Variants in ESRRG observed in about 807,000 individuals in gnomAD.
ESRRG encodes estrogen related receptor gamma.
ESRRG carries 13 observed loss-of-function variants against 44.0 expected under a neutral mutation model. That is an observed-to-expected ratio of 0.30 (90% confidence interval 0.19 to 0.47). The LOEUF (loss-of-function observed/expected upper bound fraction) is 0.47, where lower values mean the gene tolerates loss of function less well. Among genes scored for constraint, ESRRG ranks in the 20% least tolerant of loss-of-function variants. The pLI, the probability that ESRRG is intolerant of heterozygous loss-of-function variation, is 1.00. For missense variants in ESRRG, 395 were observed against 580.6 expected, an observed-to-expected ratio of 0.68 and a Z score of 3.29; for synonymous variants, 215 against 214.6, an observed-to-expected ratio of 1.00 and a Z score of -0.02.
chr1:217,087,049 G>T (rs907514140), intron 1 of ESRRG, among the ~76,000 whole-genome samples: 1 of 152,104 alleles, frequency 6.6e-6, no homozygotes, highest in African/African-American at 2.4e-5. Context: ...ATGTCATAGG[G>T]CATCAGAAAA....
At chr1:216,786,346 C>T (rs949683388) in intron 2 of ESRRG, among the ~76,000 whole-genome samples, 3 of 151,988 alleles carry the variant, frequency 2.0e-5, no homozygotes, top group East Asian at 1.9e-4. Flanking sequence ...TGATCTCAAA[C>T]GTTGAATTCA....
chr1:217,115,844 A>G (rs2092718844), intron 1 of ESRRG, among the ~76,000 whole-genome samples: 1 of 152,118 alleles, frequency 6.6e-6, no homozygotes, highest in Non-Finnish European at 1.5e-5. Flanking sequence ...CTTCACTAGA[A>G]CATAAGCCAC....
chr1:216,917,392 G>C (rs1191637554), intron 2 of ESRRG, among the ~76,000 whole-genome samples: 1 of 152,008 alleles, frequency 6.6e-6, no homozygotes, highest in Admixed American at 6.6e-5. Flanking sequence ...CCACTGACAC[G>C]CAACAAGTCA....
Position 216,503,510 on chromosome 1 carries a change from A to G in ESRRG, c.*3429T>C, listed in dbSNP as rs756213238. 6.6e-6 allele frequency: 1 copy of G among 152,526 alleles called. No individual in the cohort carries two copies. Among genetic ancestry groups the G allele is most frequent in the East Asian group, 1.9e-4 (1 of 5,172 alleles). 9.4% of individuals were successfully genotyped at this position (152,526 alleles called of 1,614,324 possible). On this transcript the variant is annotated 3_prime_UTR_variant, in exon 7 of 7. Coordinates refer to ENST00000408911, the MANE Select transcript of ESRRG (RefSeq NM_001438.4). ...CAGCTATAGACATGGTTTTATTATT[A>G]TTATTATTATTTTTACTACTGGCTA...
At chr1:216,672,141 T>C (rs1341499933) in intron 2 of ESRRG, among the ~76,000 whole-genome samples, 2 of 152,174 alleles carry the variant, frequency 1.3e-5, no homozygotes, top group East Asian at 1.9e-4. Flanking sequence ...AGAATAACAA[T>C]ATCACATCCC....
At chr1:216,878,414 T>G (rs1227714163) in intron 2 of ESRRG, among the ~76,000 whole-genome samples, 1 of 152,214 alleles carries the variant, frequency 6.6e-6, no homozygotes, top group African/African-American at 2.4e-5. Context: ...ATACTTAAAT[T>G]CTATATAAAT....
intron 3 of ESRRG, among the ~76,000 whole-genome samples, chr1:216,569,988 C>T (rs2060494716): frequency 6.6e-6 from 1 of 152,078 alleles, no homozygotes; most frequent in African/African-American, 2.4e-5. Flanking sequence ...ATCTGAGTTA[C>T]ATGAAACGAT....
At chr1:216,698,955 G>A (rs1043510054) in intron 1 of ESRRG, among the ~76,000 whole-genome samples, 17 of 152,158 alleles carry the variant, frequency 1.1e-4, no homozygotes, top group African/African-American at 4.1e-4. Context: ...GCCAGTTCAG[G>A]TTATAATGCT....
At chr1:216,627,978 A>G (rs962309857) in intron 3 of ESRRG, among the ~76,000 whole-genome samples, 2 of 152,214 alleles carry the variant, frequency 1.3e-5, no homozygotes, top group African/African-American at 4.8e-5. Flanking sequence ...GAAAACATAT[A>G]TTCCTCTATC....
intron 1 of ESRRG, among the ~76,000 whole-genome samples, chr1:217,124,126 T>C (rs1010628364): frequency 1.3e-5 from 2 of 152,192 alleles, no homozygotes; most frequent in Non-Finnish European, 2.9e-5. Flanking sequence ...GAGCCTAAGA[T>C]GTAAGCTCCC....
chr1:216,690,874 C>A (rs1410620801), intron 1 of ESRRG, among the ~76,000 whole-genome samples: 16 of 152,038 alleles, frequency 1.1e-4, no homozygotes, highest in Non-Finnish European at 1.6e-4. Context: ...TAACTAAGGC[C>A]TGCAGTGAAA....
intron 1 of ESRRG, chr1:216,714,432 A>C (rs1334330252): frequency 5.2e-6 from 1 of 192,056 alleles, no homozygotes; most frequent in African/African-American, 2.4e-5. Context: ...CATTCCCCCC[A>C]CACTTCAGGT....
intron 1 of ESRRG, among the ~76,000 whole-genome samples, chr1:217,050,898 C>G (rs894244630): frequency 6.6e-6 from 1 of 151,982 alleles, no homozygotes; most frequent in Non-Finnish European, 1.5e-5. Context: ...AAAAATAGTG[C>G]TGTTTTAGAT....
intron 2 of ESRRG, among the ~76,000 whole-genome samples, chr1:216,790,123 G>A (rs1199854964): frequency 1.3e-5 from 2 of 152,140 alleles, no homozygotes; most frequent in African/African-American, 4.8e-5. Flanking sequence ...ACTACCATCA[G>A]GCTGGATCTC....
chr1:216,786,381 A>C (rs1205467950), intron 2 of ESRRG, among the ~76,000 whole-genome samples: 1 of 152,160 alleles, frequency 6.6e-6, no homozygotes, highest in African/African-American at 2.4e-5. Context: ...AAGTACATGT[A>C]ATGGCAAATA....
At chr1:216,765,819 T>A (rs1379768669) in intron 2 of ESRRG, among the ~76,000 whole-genome samples, 1 of 152,126 alleles carries the variant, frequency 6.6e-6, no homozygotes, top group African/African-American at 2.4e-5. Context: ...ATGCTGTTCC[T>A]ATAACGTGGG....
intron 1 of ESRRG, among the ~76,000 whole-genome samples, chr1:217,118,164 A>G (rs2092762468): frequency 6.6e-6 from 1 of 152,240 alleles, no homozygotes; most frequent in Non-Finnish European, 1.5e-5. Context: ...GGGGAAACTC[A>G]GAAACCATGA....
Position 216,519,256 on chromosome 1 carries a change from A to G in ESRRG, c.1028T>C (p.Leu343Pro). The G allele has an allele frequency of 6.2e-7, 1 of 1,613,876 alleles. No individual in the cohort carries two copies. The highest frequency in any genetic ancestry group is 1.1e-5 in the South Asian group (1 of 91,084). ...CTGCAGGATAGCATTATTTAGATCAAGAAGGCCTGCTAATTTGGACTGGTC... is the reference window on the plus strand; with the variant it reads ...CTGCAGGATAGCATTATTTAGATCAGGAAGGCCTGCTAATTTGGACTGGTC... ...DEDQSKLAGL[L>P]DLNNAILQLV... Residue 343 changes from leucine (L) to proline (P), a missense_variant, in exon 6 of 7, where the codon CTT (leucine) becomes CCT (proline). Physicochemically the swap from Leu to Pro is moderately conservative, Grantham distance 98. Around this residue, in one of 5 missense-constraint regions of ESRRG, gnomAD observed 167 missense variants for 251.8 expected, o/e 0.66. Coordinates refer to ENST00000408911, the MANE Select transcript of ESRRG (RefSeq NM_001438.4).
chr1:217,119,601 T>C (rs569301703), intron 1 of ESRRG, among the ~76,000 whole-genome samples: 12 of 152,252 alleles, frequency 7.9e-5, no homozygotes, highest in Non-Finnish European at 1.8e-4. Flanking sequence ...GGGCATAGTT[T>C]GTTTTTCTAG....
Sources: gnomAD v4.1 joint callset for allele counts (sites outside exome capture counted in the v4.1 genomes callset) on GRCh38, gnomAD v4.1.1 for gene constraint, gnomAD v4.1.1 regional missense constraint, MANE v1.5 for transcripts, NCBI Gene and HGNC (gene_info 2026-07-23, HGNC 2026-07-21) for gene names.